The following SEL1L variants were observed in gnomAD, a reference collection of about 807,000 sequenced individuals.
SEL1L encodes the protein protein sel-1 homolog 1.
SEL1L carries 52 observed loss-of-function variants against 109.8 expected under a neutral mutation model. That is an observed-to-expected ratio of 0.47 (90% CI 0.38 to 0.60). The LOEUF (loss-of-function observed/expected upper bound fraction) is 0.60. Among genes scored for constraint, SEL1L ranks in the 20% least tolerant of loss-of-function variants. SEL1L has a pLI of 0.00. For synonymous variants in SEL1L, 373 were observed against 339.6 expected (o/e 1.10, Z -1.08); for missense variants, 749 against 962.2 (o/e 0.78, Z 2.93).
intron 19 of SEL1L, among the ~76,000 whole-genome samples, chr14:81,482,641 G>C (rs1903394960): frequency 6.6e-6 from 1 of 152,172 alleles, no homozygotes; most frequent in South Asian, 2.1e-4. Context: ...TCCAGAAGTT[G>C]AATGTACTGA....
At chr14:81,527,822 G>T in intron 1 of SEL1L, 84 bp from the exon 2 acceptor site, 1 of 857,050 alleles carries the variant, frequency 1.2e-6, no homozygotes, top group East Asian at 2.6e-5. Context: ...GAAAAGTATA[G>T]CAAATAATAA....
chr14:81,527,843 G>T, intron 1 of SEL1L, 105 bp from the exon 2 acceptor site: 1 of 688,190 alleles, frequency 1.5e-6, no homozygotes, highest in South Asian at 2.2e-5. Flanking sequence ...TCAAACATTG[G>T]ATAAATAAAC....
rs1566971182 is a variant in SEL1L at position 81,485,711 on chromosome 14, G to C, written c.1834C>G (p.Pro612Ala). The change falls in exon 18 of 21, where the codon CCC (proline) becomes GCC (alanine). Residue 612 changes from proline (P) to alanine (A), a missense_variant. Physicochemically the swap from Pro to Ala is conservative, Grantham distance 27 (BLOSUM62 -1). This residue lies in a region of SEL1L where 383 missense variants were observed against 562.5 expected (regional missense o/e 0.68). Transcript: ENST00000336735. ...ASIVGENETY[P>A]RALLHWNRAA... is the part of the protein sequence containing the mutation. ...CTGTTCCAATGTAGCAAAGCTCTGG[G>C]ATAAGTTTCATTCTCACCTACAATG... 1 of 1,614,032 alleles carries C rather than the reference G, an allele frequency of 6.2e-7. No homozygotes were observed. Among genetic ancestry groups the C allele is most frequent in the South Asian group, 1.1e-5 (1 of 91,078 alleles).
intron 20 of SEL1L, 122 bp from the exon 21 acceptor site, chr14:81,477,303 A>ATGTGTC: frequency 1.8e-6 from 1 of 540,552 alleles, no homozygotes; most frequent in South Asian, 2.4e-5. Flanking sequence ...ACGTTTTGCA[A>ATGTGTC]TGTGTGTGTG....
At chr14:81,530,679 G>A (rs183708738) in intron 1 of SEL1L, among the ~76,000 whole-genome samples, 84 of 152,274 alleles carry the variant, frequency 5.5e-4, no homozygotes, top group African/African-American at 1.9e-3. Context: ...TATCTTTTTA[G>A]TGTCCTCCTT....
chr14:81,491,578 G>A (rs1265935004), intron 12 of SEL1L, among the ~76,000 whole-genome samples: 1 of 152,140 alleles, frequency 6.6e-6, no homozygotes, highest in Non-Finnish European at 1.5e-5. Context: ...GGCAAATCAT[G>A]ATGAAATTTC....
At chr14:81,482,365 T>C (rs768533833) in intron 19 of SEL1L, among the ~76,000 whole-genome samples, 2 of 152,210 alleles carry the variant, frequency 1.3e-5, no homozygotes, top group Non-Finnish European at 2.9e-5. Context: ...ATATTAGTCA[T>C]GTTAAACTTC....
intron 3 of SEL1L, among the ~76,000 whole-genome samples, chr14:81,517,694 AT>A (rs1258115220): frequency 6.6e-6 from 1 of 152,238 alleles, no homozygotes; most frequent in Non-Finnish European, 1.5e-5. Flanking sequence ...TGGCTATTGC[AT>A]CTAGATGTAT....
chr14:81,522,666 CAT>C (rs1448266447), intron 3 of SEL1L, among the ~76,000 whole-genome samples: 1 of 152,194 alleles, frequency 6.6e-6, no homozygotes, highest in Non-Finnish European at 1.5e-5. Flanking sequence ...TTAAGTGACA[CAT>C]GACTGTCCCT....
At chr14:81,496,955 A>G (rs1368048918) in intron 10 of SEL1L, among the ~76,000 whole-genome samples, 1 of 152,172 alleles carries the variant, frequency 6.6e-6, no homozygotes. Context: ...ATCGCTAGAT[A>G]ACCACTACAA....
At chr14:81,480,505 C>T (rs1303841723) in intron 19 of SEL1L, among the ~76,000 whole-genome samples, 2 of 152,146 alleles carry the variant, frequency 1.3e-5, no homozygotes, top group Non-Finnish European at 2.9e-5. Flanking sequence ...AGGAGGATCA[C>T]TTGAGGCCAG....
In SEL1L at chr14:81,527,706, A is replaced by G. The variant is rs747484347; in HGVS notation, c.103T>C (p.Ser35Pro). Residue 35 changes from serine to proline, a missense_variant, in exon 2 of 21, where the codon TCC becomes CCC. This residue lies in a region of SEL1L where 366 missense variants were observed against 399.8 expected (regional missense o/e 0.92). Transcript: ENST00000336735. ...EEGSQDESLD[S>P]KTTLTSDESV... ...ATACACATTTTAGTACATACCTTGG[A>G]ATCTAAGGATTCATCCTGGCTGCCT... 52 of 1,602,662 alleles carry G rather than the reference A, an allele frequency of 3.2e-5. No individual in the cohort carries two copies. Among genetic ancestry groups the G allele is most frequent in the Non-Finnish European group, 4.1e-5 (48 of 1,174,552 alleles).
intron 4 of SEL1L, among the ~76,000 whole-genome samples, chr14:81,504,860 C>T (rs1884171314): frequency 1.3e-5 from 2 of 152,114 alleles, no homozygotes; most frequent in South Asian, 4.1e-4. Flanking sequence ...TCATCTCTCT[C>T]GTTCCTGCTC....
chr14:81,511,292 TA>T, intron 3 of SEL1L, among the ~76,000 whole-genome samples: 1 of 152,348 alleles, frequency 6.6e-6, no homozygotes, highest in African/African-American at 2.4e-5. Flanking sequence ...GAGAAGCAAC[TA>T]ATCATTTTAA....
At chr14:81,506,659 C>A (rs913254545) in intron 3 of SEL1L, among the ~76,000 whole-genome samples, 1 of 152,132 alleles carries the variant, frequency 6.6e-6, no homozygotes, top group African/African-American at 2.4e-5. Flanking sequence ...AAATGCTCCC[C>A]CCAAGGCAAA....
intron 3 of SEL1L, among the ~76,000 whole-genome samples, chr14:81,506,558 G>C (rs182848148): frequency 6.6e-6 from 1 of 152,238 alleles, no homozygotes; most frequent in East Asian, 1.9e-4. Flanking sequence ...AAGGCAAAAT[G>C]CAAGTGAATC....
chr14:81,529,141 C>T (rs924109690), intron 1 of SEL1L, among the ~76,000 whole-genome samples: 4 of 152,114 alleles, frequency 2.6e-5, no homozygotes, highest in African/African-American at 9.7e-5. Context: ...TCCCACAGCG[C>T]CCATAACATT....
At chr14:81,518,996 G>A (rs1884811783) in intron 3 of SEL1L, among the ~76,000 whole-genome samples, 1 of 152,130 alleles carries the variant, frequency 6.6e-6, no homozygotes, top group Non-Finnish European at 1.5e-5. Context: ...TTAGATTTCT[G>A]GAGAGTTCTC....
rs1369797010 is a variant in SEL1L at position 81,475,267 on chromosome 14, G to A, written c.*1705C>T. The A allele has an allele frequency of 2.0e-5, 3 of 152,328 alleles. No individual in the cohort carries two copies. Among genetic ancestry groups the A allele is most frequent in the African/African-American group, 4.8e-5 (2 of 41,390 alleles). The allele number at this position is 152,328 out of a possible 1,614,324, so 9.4% of individuals were successfully genotyped here. ...TAAGTTTCCTACCTTTCACAGATAC[G>A]CTTTCATACATATGGCTCTCTTGGT... is the stretch of plus-strand genomic sequence containing the variant. On this transcript the variant is annotated 3_prime_UTR_variant, in exon 21 of 21. Transcript: ENST00000336735.
Sources: allele counts gnomAD v4.1 joint callset (sites outside exome capture counted in the v4.1 genomes callset), GRCh38; gene constraint gnomAD v4.1.1; regional missense constraint gnomAD v4.1.1; transcripts MANE v1.5; gene names NCBI Gene and HGNC (gene_info 2026-07-23, HGNC 2026-07-21).